The following SWT1 variants were observed in gnomAD, a reference collection of about 807,000 sequenced individuals.
SWT1 encodes SWT1 RNA endoribonuclease homolog.
A neutral mutation model predicts 107.3 loss-of-function variants in SWT1; 33 were observed. That is an observed-to-expected ratio of 0.31 (90% confidence interval 0.23 to 0.41). SWT1 has a LOEUF of 0.41. SWT1 is among the 10% of genes least tolerant of loss of function. The pLI is 1.00. For missense variants in SWT1, 898 were observed against 1,028.9 expected, an observed-to-expected ratio of 0.87 and a Z score of 1.74; for synonymous variants, 345 against 348.3, an observed-to-expected ratio of 0.99 and a Z score of 0.11.
In SWT1 at chr1:185,180,451, G is replaced by T; in HGVS notation, c.1026+1G>T. ...AAGTATCCAGGATGCAGATCAAGAG[G>T]TTATTGATATTCTTGTTTACTTTGA... On this transcript the variant is annotated splice_donor_variant, in intron 6 of 18. Coordinates refer to ENST00000367500, the MANE Select transcript of SWT1 (RefSeq NM_017673.7). LOFTEE classifies it high-confidence loss of function. 1 of 1,602,646 alleles carries T rather than the reference G, an allele frequency of 6.2e-7. No individual in the cohort carries two copies. Among genetic ancestry groups the T allele is most frequent in the Non-Finnish European group, 8.5e-7 (1 of 1,169,714 alleles).
At chr1:185,202,572 AG>A (rs200436640) in intron 10 of SWT1, 81 bp from the exon 11 acceptor site, 2 of 1,192,588 alleles carry the variant, frequency 1.7e-6, no homozygotes, top group East Asian at 4.9e-5. Flanking sequence ...GCCTCTGACT[AG>A]ATCTCATGTG....
intron 16 of SWT1, among the ~76,000 whole-genome samples, chr1:185,256,686 A>T (rs939450898): frequency 2.0e-5 from 3 of 149,052 alleles, no homozygotes; most frequent in Non-Finnish European, 4.4e-5. Flanking sequence ...ATTCTTTTAA[A>T]TTTTTTTCAA....
chr1:185,247,038 C>T (rs114404503), intron 16 of SWT1, among the ~76,000 whole-genome samples: 2,001 of 152,172 alleles, frequency 0.013, 35 homozygotes, highest in African/African-American at 0.046. Context: ...TTGTTGATTG[C>T]GTGTGATTGC....
chr1:185,165,053 C>G (rs1446651464), intron 2 of SWT1, among the ~76,000 whole-genome samples: 1 of 152,118 alleles, frequency 6.6e-6, no homozygotes, highest in African/African-American at 2.4e-5. Context: ...ATTGTTGGGT[C>G]ATTAGTAGGC....
intron 13 of SWT1, among the ~76,000 whole-genome samples, chr1:185,211,703 T>G (rs1396713780): frequency 2.6e-5 from 4 of 152,248 alleles, no homozygotes; most frequent in Non-Finnish European, 5.9e-5. Context: ...ATCCCATTAC[T>G]GGGTATATAA....
chr1:185,257,366 GC>G (rs923281953), intron 16 of SWT1, among the ~76,000 whole-genome samples: 19 of 152,218 alleles, frequency 1.2e-4, no homozygotes, highest in African/African-American at 3.4e-4. Flanking sequence ...AATGGAGGGC[GC>G]CCCTCCCCCA....
At position 185,192,891 on chromosome 1, in the gene SWT1, G is replaced by A. The variant is rs143410957; in HGVS notation, c.1523+2249G>A. Among the ~76,000 whole-genome samples the A allele has an allele frequency of 7.3e-3, 1,110 of 151,954 alleles. 12 individuals carry two copies. Among genetic ancestry groups the A allele is most frequent in the African/African-American group, 0.025 (1,029 of 41,438 alleles). ...TCAAACTCCTGACCTCAGATGATCC[G>A]GCCACCTCGGTCTCCCAAAGTGCTG... On this transcript the variant is annotated intron_variant, in intron 10 of 18. Coordinates refer to ENST00000367500, the MANE Select transcript of SWT1 (RefSeq NM_017673.7).
At chr1:185,185,302 G>A (rs532970686) in intron 9 of SWT1, among the ~76,000 whole-genome samples, 3 of 152,144 alleles carry the variant, frequency 2.0e-5, no homozygotes, top group African/African-American at 7.2e-5. Context: ...CTGTGGAGAC[G>A]ATGTTGCTTT....
intron 16 of SWT1, among the ~76,000 whole-genome samples, chr1:185,257,250 C>T (rs933279867): frequency 4.3e-4 from 66 of 152,152 alleles, no homozygotes; most frequent in African/African-American, 1.5e-3. Context: ...CTGTGCCCTG[C>T]CCCCAGAGGT....
At chr1:185,185,146 A>C (rs1344761076) in intron 9 of SWT1, among the ~76,000 whole-genome samples, 3 of 152,210 alleles carry the variant, frequency 2.0e-5, no homozygotes, top group African/African-American at 7.2e-5. Flanking sequence ...TATATTTCAC[A>C]GATAGTGACT....
rs75241588 is a variant in SWT1 at position 185,243,728 on chromosome 1, AT to A, written c.2441+12022del. On this transcript the variant is annotated intron_variant, in intron 16 of 18. Transcript: ENST00000367500. ...TCTTAACAATAAGGTAACTGGAACT[AT>A]TAAGTTTAAATTGTCTGATTTTTTT... 5.5e-3 allele frequency among the ~76,000 whole-genome samples: 838 copies of A among 152,326 alleles called. 33 individuals are homozygous for A. In the East Asian group the frequency reaches 0.093, roughly 17 times the overall value.
chr1:185,180,363 T>C (rs749100215), intron 5 of SWT1, 28 bp from the exon 6 acceptor site: 1 of 1,584,414 alleles, frequency 6.3e-7, no homozygotes, highest in Non-Finnish European at 8.7e-7. Context: ...TGCTTTATTC[T>C]TAGCTAATGA....
At chr1:185,266,081 T>C (rs1019871528) in intron 16 of SWT1, among the ~76,000 whole-genome samples, 6 of 152,158 alleles carry the variant, frequency 3.9e-5, no homozygotes, top group African/African-American at 1.4e-4. Flanking sequence ...TTTTTTTTTC[T>C]GAGATGGAGT....
At chr1:185,190,049 T>C (rs2102406091) in intron 9 of SWT1, among the ~76,000 whole-genome samples, 1 of 152,222 alleles carries the variant, frequency 6.6e-6, no homozygotes, top group African/African-American at 2.4e-5. Context: ...GGTTTTACCA[T>C]GTTAGCCAGG....
chr1:185,290,702 C>G lies in SWT1; in HGVS notation c.2602C>G (p.Leu868Val), dbSNP rs774453758. The G allele has an allele frequency of 6.3e-7, 1 of 1,581,922 alleles. No homozygotes were observed. Among genetic ancestry groups the G allele is most frequent in the South Asian group, 1.2e-5 (1 of 85,648 alleles). The change falls in exon 19 of 19, where the codon CTG becomes GTG. Residue 868 changes from leucine to valine, a missense_variant. Physicochemically the swap from Leu to Val is conservative, Grantham distance 32. This residue lies in a region of SWT1 where 382 missense variants were observed against 460.0 expected (regional missense o/e 0.83). Transcript: ENST00000367500. ...AAAGTTAACCATTGGATGCCGCCAG[C>G]TGGTTGAGATGGAATATACCATGCA... ...REKLTIGCRQ[L>V]VEMEYTMQQC...
intron 9 of SWT1, among the ~76,000 whole-genome samples, chr1:185,187,849 C>A (rs768952221): frequency 6.6e-6 from 1 of 151,924 alleles, no homozygotes; most frequent in African/African-American, 2.4e-5. Flanking sequence ...CCACCATGCC[C>A]GGCTAATTTT....
chr1:185,222,762 C>CA (rs59515070), intron 15 of SWT1, among the ~76,000 whole-genome samples: 3,687 of 34,308 alleles, frequency 0.11, 261 homozygotes, highest in African/African-American at 0.18. Flanking sequence ...GACGCCATCT[C>CA]AAAAAAAAAA....
At position 185,228,200 on chromosome 1, in the gene SWT1, T is replaced by TATATATATATATAC. The variant is rs1235462995; in HGVS notation, c.2310-3376_2310-3375insTATATATATATACA. Among the ~76,000 whole-genome samples, 18 of 145,004 alleles carry TATATATATATATAC rather than the reference T, an allele frequency of 1.2e-4. No homozygotes were observed. The East Asian group carries it at 3.3e-3, about 27-fold the overall frequency. The stretch of plus-strand genomic sequence containing the variant: ...ATATATATATATATACATATATATA[T>TATATATATATATAC]ACTCAGTATGTTTTTCTTCAGCCTT... On this transcript the variant is annotated intron_variant, in intron 15 of 18. Transcript: ENST00000367500.
chr1:185,198,339 G>T (rs755630809), intron 10 of SWT1, among the ~76,000 whole-genome samples: 1 of 152,222 alleles, frequency 6.6e-6, no homozygotes, highest in African/African-American at 2.4e-5. Context: ...TGCATTTGCT[G>T]AGGAGTGTTT....
Sources: allele counts gnomAD v4.1 joint callset (sites outside exome capture counted in the v4.1 genomes callset), GRCh38; gene constraint gnomAD v4.1.1; regional missense constraint gnomAD v4.1.1; transcripts MANE v1.5; gene names NCBI Gene and HGNC (gene_info 2026-07-23, HGNC 2026-07-21).